The following NDE1 variants were observed in gnomAD, a reference collection of about 807,000 sequenced individuals.
The protein encoded by NDE1 is nudE neurodevelopment protein 1.
NDE1 carries 28 observed loss-of-function variants against 43.4 expected under a neutral mutation model. The ratio of observed to expected loss-of-function variants is 0.65; its 90% confidence interval spans 0.48 to 0.89. NDE1 has a LOEUF of 0.89. NDE1 is among the 40% of genes least tolerant of loss of function. NDE1 has a pLI of 0.00. For synonymous variants in NDE1, 184 were observed against 172.0 expected (o/e 1.07, Z -0.55); for missense variants, 441 against 434.1 (o/e 1.02, Z -0.14).
At chr16:15,717,968 T>G (rs2040253945) in intron 8 of NDE1, 1 of 395,590 alleles carries the variant, frequency 2.5e-6, no homozygotes, top group Non-Finnish European at 4.8e-6. Context: ...TAGTGCTCAG[T>G]GACATCACCA....
At chr16:15,679,799 A>G (rs1441228558) in intron 4 of NDE1, among the ~76,000 whole-genome samples, 1 of 151,902 alleles carries the variant, frequency 6.6e-6, no homozygotes, top group East Asian at 1.9e-4. Context: ...TTTTTGTTTT[A>G]AGACAGTCTT....
chr16:15,722,469 CAA>C (rs1420457657), intron 8 of NDE1, among the ~76,000 whole-genome samples: 1 of 152,186 alleles, frequency 6.6e-6, no homozygotes, highest in Non-Finnish European at 1.5e-5. Context: ...CAGTATTCAG[CAA>C]AGACAGGGAC....
At chr16:15,700,067 C>T (rs988014828) in intron 8 of NDE1, 2 of 1,172,048 alleles carry the variant, frequency 1.7e-6, no homozygotes, top group African/African-American at 1.6e-5. Flanking sequence ...AAGGGGCTCT[C>T]TGGGAAGGGC....
intron 8 of NDE1, chr16:15,699,593 A>G (rs1371943601): frequency 8.3e-7 from 1 of 1,209,728 alleles, no homozygotes; most frequent in Admixed American, 3.2e-5. Flanking sequence ...TCTTCATTTC[A>G]CAGGAGAGAA....
At position 15,677,972 on chromosome 16, in the gene NDE1, C is replaced by T. The variant is rs752270744; in HGVS notation, c.386+23C>T. 76 of 1,613,412 alleles carry T rather than the reference C, an allele frequency of 4.7e-5. 1 individual carries two copies. The South Asian group carries it at 7.1e-4, about 15-fold the overall frequency. On this transcript the variant is annotated intron_variant, in intron 4 of 8. Transcript: ENST00000396354. The stretch of plus-strand genomic sequence containing the variant: ...GCGGTATGGGTGGAAGGGAAAAGCA[C>T]GAGTGGGAGACTCTCCTCTCTGCTT...
chr16:15,698,681 T>G (rs2039113466), intron 8 of NDE1, among the ~76,000 whole-genome samples: 1 of 151,828 alleles, frequency 6.6e-6, no homozygotes, highest in Non-Finnish European at 1.5e-5. Flanking sequence ...GGCAACATGG[T>G]GAAACCCTAT....
upstream of NDE1, among the ~76,000 whole-genome samples, chr16:15,648,934 G>A (rs954142888): frequency 3.3e-5 from 5 of 152,140 alleles, no homozygotes; most frequent in Non-Finnish European, 7.4e-5. Flanking sequence ...GGTGGCTCAC[G>A]CCTGTAATCC....
intron 5 of NDE1, among the ~76,000 whole-genome samples, chr16:15,688,743 G>C (rs1413476514): frequency 1.9e-5 from 2 of 103,910 alleles, no homozygotes; most frequent in African/African-American, 7.3e-5. Context: ...CTGTTGTCCA[G>C]GCTGGAGTGC....
chr16:15,714,826 T>C, intron 8 of NDE1: 1 of 1,546,882 alleles, frequency 6.5e-7, no homozygotes, highest in Admixed American at 1.7e-5. Context: ...ACAAGGGGCA[T>C]TTGCAGGCCG....
intron 8 of NDE1, among the ~76,000 whole-genome samples, chr16:15,723,275 GGAAATGTACTGACATCTGTAATTTGCTCT>G (rs1473745000): frequency 6.6e-6 from 1 of 152,052 alleles, no homozygotes; most frequent in African/African-American, 2.4e-5. Context: ...GTGTGGAAGG[GGAAATGTACTGACATCTGTAATTTGCTCT>G]GAAATGTACC....
rs1390553048 is a variant in NDE1, at chr16:15,696,982, T to G, written c.947+122T>G. ...AATTATAGGATTATTTCAGCAAACCTTATCCTCTCCTCTGCTCCCTGCAGG... is the reference window on the plus strand; with the variant it reads ...AATTATAGGATTATTTCAGCAAACCGTATCCTCTCCTCTGCTCCCTGCAGG... On this transcript the variant is annotated intron_variant, in intron 8 of 8. Coordinates refer to ENST00000396354, the MANE Select transcript of NDE1 (RefSeq NM_017668.3). 8 of 1,540,818 alleles carry G rather than the reference T, an allele frequency of 5.2e-6. No homozygotes were observed. In the Admixed American group the frequency reaches 1.4e-4, roughly 26 times the overall value.
chr16:15,705,971 T>C (rs11075276), intron 8 of NDE1, among the ~76,000 whole-genome samples: 94,467 of 130,002 alleles, frequency 0.73, 34,666 homozygotes, highest in African/African-American at 0.89. Flanking sequence ...GGCGACAGGG[T>C]GAGACTCCGT....
At chr16:15,699,239 C>A (rs2151150073) in intron 8 of NDE1, among the ~76,000 whole-genome samples, 1 of 150,092 alleles carries the variant, frequency 6.7e-6, no homozygotes, top group African/African-American at 2.5e-5. Flanking sequence ...CTGGGGGTTA[C>A]AAGCGTTAGC....
At chr16:15,714,513 A>G (rs1186296723) in intron 8 of NDE1, 1 of 330,692 alleles carries the variant, frequency 3.0e-6, no homozygotes, top group East Asian at 7.1e-5. Flanking sequence ...AGGGGGAGAA[A>G]GGAGGAGCAG....
chr16:15,711,219 C>G (rs572336269), intron 8 of NDE1: 2 of 152,316 alleles, frequency 1.3e-5, no homozygotes, highest in East Asian at 3.9e-4. Flanking sequence ...GCAGTGGTCC[C>G]CAAACTCTAG....
chr16:15,645,744 C>T (rs1373694686), upstream of NDE1, among the ~76,000 whole-genome samples: 1 of 152,108 alleles, frequency 6.6e-6, no homozygotes, highest in Non-Finnish European at 1.5e-5. Flanking sequence ...TTTCCCTTGT[C>T]CAAATTATAG....
In NDE1 at chr16:15,725,338, C is replaced by A; in HGVS notation, c.*1087C>A. 1 of 561,044 alleles carries A rather than the reference C, an allele frequency of 1.8e-6. No homozygotes were observed. The allele number at this position is 561,044 out of a possible 1,614,324, so 34.8% of individuals were successfully genotyped here. ...GGTTGGTAGAGACAAAGCAGCAGGT[C>A]TGAGAGTCCAGACGAGGTGCTCTGG... On this transcript the variant is annotated 3_prime_UTR_variant, in exon 9 of 9. Coordinates refer to ENST00000396354, the MANE Select transcript of NDE1 (RefSeq NM_017668.3).
intron 8 of NDE1, chr16:15,702,077 G>T (rs2039238807): frequency 6.6e-6 from 1 of 152,188 alleles, no homozygotes; most frequent in South Asian, 2.1e-4. Flanking sequence ...TATCCGGGAT[G>T]TGTTTGTGCG....
chr16:15,679,110 C>CA (rs552152856), intron 4 of NDE1, among the ~76,000 whole-genome samples: 1 of 151,470 alleles, frequency 6.6e-6, no homozygotes, highest in Non-Finnish European at 1.5e-5. Flanking sequence ...AACAAAAAAA[C>CA]AAAAAAAGCA....
Sources: allele counts gnomAD v4.1 joint callset (sites outside exome capture counted in the v4.1 genomes callset), GRCh38; gene constraint gnomAD v4.1.1; transcripts MANE v1.5; gene names NCBI Gene and HGNC (gene_info 2026-07-23, HGNC 2026-07-21).